Variants in RALGAPA1 observed in about 807,000 individuals in gnomAD.
The protein encoded by RALGAPA1 is Ral GTPase activating protein catalytic subunit alpha 1.
In RALGAPA1, 52 loss-of-function variants were observed where a neutral mutation model predicts 269.6. The observed-to-expected ratio is 0.19, with a 90% CI of 0.15 to 0.24. The LOEUF (loss-of-function observed/expected upper bound fraction) is 0.24, where lower values mean the gene tolerates loss of function less well. Ranked by LOEUF, RALGAPA1 falls within the 10% of genes least tolerant of loss-of-function variation. The probability of loss-of-function intolerance (pLI) is 1.00; values close to 1 mark genes in which losing one functional copy is unlikely to be tolerated. For missense variants in RALGAPA1, 1,917 were observed against 3,013.9 expected, an observed-to-expected ratio of 0.64 and a Z score of 8.52; for synonymous variants, 817 against 1,008.3, an observed-to-expected ratio of 0.81 and a Z score of 3.60.
At chr14:35,552,633 C>A (rs936121557) in intron 39 of RALGAPA1, among the ~76,000 whole-genome samples, 7 of 150,718 alleles carry the variant, frequency 4.6e-5, no homozygotes, top group South Asian at 2.1e-4. Context: ...AAATTTAAAA[C>A]AACTCAAGCC....
At chr14:35,666,021 TTTTTTTTTTCTTG>T (rs1050943532) in intron 26 of RALGAPA1, among the ~76,000 whole-genome samples, 7 of 151,952 alleles carry the variant, frequency 4.6e-5, no homozygotes, top group Admixed American at 1.3e-4. Context: ...TTCCTCCTTT[TTTTTTTTTTCTTG>T]AGAAGGAGTT....
chr14:35,690,925 C>T (rs778072971), intron 17 of RALGAPA1, among the ~76,000 whole-genome samples: 2 of 151,840 alleles, frequency 1.3e-5, no homozygotes, highest in South Asian at 2.1e-4. Flanking sequence ...CAAAACTAGC[C>T]GGGCGTGGTG....
In RALGAPA1 at chr14:35,688,793, T is replaced by A; in HGVS notation, c.3618A>T (p.Leu1206=). 1.4e-6 allele frequency: 2 copies of A among 1,413,564 alleles called. No homozygotes were observed. The highest frequency in any genetic ancestry group is 2.5e-5 in the East Asian group (1 of 39,894). 87.6% of individuals were successfully genotyped at this position (1,413,564 alleles called of 1,614,324 possible). A position where few individuals can be genotyped will look rare whatever the true frequency, so the allele number is the denominator to read the frequency against. The change falls in exon 18 of 42, where the codon CTA becomes CTT. Residue 1206 remains leucine (L), a synonymous_variant. Transcript: ENST00000680220. ...THTSTNSATE[L]VKPGVYRPLD... ...GAGGTCTGTACACACCAGGTTTTAC[T>A]AGCTCTGTAGCACTATTTGTGCTGG...
At chr14:35,772,203 C>T (rs997374066) in intron 3 of RALGAPA1, among the ~76,000 whole-genome samples, 2 of 152,226 alleles carry the variant, frequency 1.3e-5, no homozygotes, top group East Asian at 3.9e-4. Context: ...AAGTGTGTGC[C>T]ACCATGCCCA....
chr14:35,730,544 G>A (rs1595353301), intron 12 of RALGAPA1, among the ~76,000 whole-genome samples: 2 of 107,574 alleles, frequency 1.9e-5, no homozygotes, highest in East Asian at 1.9e-4. Context: ...TTGTTAGGGC[G>A]GGCATGGTGG....
chr14:35,743,650 T>A (rs2071780128), intron 10 of RALGAPA1, among the ~76,000 whole-genome samples: 1 of 152,144 alleles, frequency 6.6e-6, no homozygotes, highest in African/African-American at 2.4e-5. Context: ...CACCCAGTCA[T>A]CATTGTCTTT....
intron 28 of RALGAPA1, among the ~76,000 whole-genome samples, chr14:35,658,426 G>A (rs1020625613): frequency 6.6e-6 from 1 of 152,000 alleles, no homozygotes; most frequent in African/African-American, 2.4e-5. Context: ...GAAAACAGGA[G>A]CTTTGCAGAG....
intron 1 of RALGAPA1, among the ~76,000 whole-genome samples, chr14:35,803,857 C>A (rs1178669975): frequency 1.3e-5 from 2 of 151,640 alleles, no homozygotes; most frequent in African/African-American, 4.8e-5. Context: ...CTCCTGACCT[C>A]AAGTGAGCCA....
At chr14:35,685,394 T>C (rs10147073) in intron 19 of RALGAPA1, among the ~76,000 whole-genome samples, 16,924 of 151,702 alleles carry the variant, frequency 0.11, 1,562 homozygotes, top group East Asian at 0.37. Flanking sequence ...GCAGGATCCA[T>C]GCAGTGAATA....
At position 35,548,548 on chromosome 14, in the gene RALGAPA1, G is replaced by GA. The variant is rs768872349; in HGVS notation, c.7622-11dup. 4 of 1,544,506 alleles carry GA rather than the reference G, an allele frequency of 2.6e-6. No homozygotes were observed. The highest frequency in any genetic ancestry group is 2.8e-5 in the African/African-American group (2 of 72,134). The stretch of plus-strand genomic sequence containing the variant: ...ACTGATATTTAATGATCTAAAGAGG[G>GA]AAAATAAATGAAACAATCATAAGGA... On this transcript the variant is annotated splice_polypyrimidine_tract_variant and intron_variant, in intron 40 of 41. Coordinates refer to ENST00000680220, the MANE Select transcript of RALGAPA1 (RefSeq NM_001346249.2).
intron 15 of RALGAPA1, among the ~76,000 whole-genome samples, 166 bp downstream of exon 15, chr14:35,722,861 C>A (rs567479525): frequency 6.6e-6 from 1 of 151,830 alleles, no homozygotes; most frequent in East Asian, 1.9e-4. Context: ...AAATTGCTTA[C>A]GATAAAAAGG....
intron 4 of RALGAPA1, among the ~76,000 whole-genome samples, chr14:35,769,345 T>C (rs1164310791): frequency 1.3e-5 from 2 of 151,962 alleles, no homozygotes; most frequent in South Asian, 4.2e-4. Context: ...CAAATTAACA[T>C]GGGAACAGAA....
At chr14:35,748,443 G>C (rs2072344487) in intron 10 of RALGAPA1, 142 bp downstream of exon 10, 1 of 1,037,610 alleles carries the variant, frequency 9.6e-7, no homozygotes. Flanking sequence ...CAAACTCCTG[G>C]GCTCAAGCGA....
chr14:35,713,597 G>C (rs1255529034), intron 16 of RALGAPA1, among the ~76,000 whole-genome samples: 1 of 152,074 alleles, frequency 6.6e-6, no homozygotes, highest in Non-Finnish European at 1.5e-5. Context: ...TTCTTTTTCA[G>C]CTTTTACATG....
At chr14:35,680,371 C>G (rs551918699) in intron 21 of RALGAPA1, among the ~76,000 whole-genome samples, 1 of 151,782 alleles carries the variant, frequency 6.6e-6, no homozygotes, top group Non-Finnish European at 1.5e-5. Flanking sequence ...CCATGCCTGG[C>G]TAATTTTTTG....
chr14:35,808,678 G>A (rs1369170429), intron 1 of RALGAPA1, 52 bp downstream of exon 1: 11 of 1,562,600 alleles, frequency 7.0e-6, no homozygotes, highest in Admixed American at 1.9e-5. Context: ...GCTCCCAGGA[G>A]AGGGAAGGCC....
chr14:35,578,512 C>A (rs975523893), intron 37 of RALGAPA1, among the ~76,000 whole-genome samples: 29 of 152,196 alleles, frequency 1.9e-4, no homozygotes, highest in African/African-American at 7.0e-4. Context: ...AATAGTCACA[C>A]ATATTTTCCT....
chr14:35,638,146 T>C (rs557572354), intron 31 of RALGAPA1, among the ~76,000 whole-genome samples: 1 of 152,296 alleles, frequency 6.6e-6, no homozygotes, highest in Admixed American at 6.5e-5. Flanking sequence ...TCACTGGTGA[T>C]AGTAAGTAAA....
At chr14:35,645,266 C>T (rs2062328265) in intron 31 of RALGAPA1, among the ~76,000 whole-genome samples, 1 of 152,000 alleles carries the variant, frequency 6.6e-6, no homozygotes, top group African/African-American at 2.4e-5. Flanking sequence ...CTCCAAATCC[C>T]ATGACACTGG....
Sources: gnomAD v4.1 joint callset for allele counts (sites outside exome capture counted in the v4.1 genomes callset) on GRCh38, gnomAD v4.1.1 for gene constraint, MANE v1.5 for transcripts, NCBI Gene and HGNC (gene_info 2026-07-23, HGNC 2026-07-21) for gene names.